Variants in ERC1 observed in about 807,000 individuals in gnomAD.
ERC1 encodes the protein RAB6 interacting protein 2.
ERC1 carries 56 observed loss-of-function variants against 132.0 expected under a neutral mutation model. The ratio of observed to expected loss-of-function variants is 0.42; its 90% confidence interval spans 0.34 to 0.53. The LOEUF is 0.53. ERC1 is among the 20% of genes least tolerant of loss of function. The pLI is 0.03. For missense variants in ERC1, 1,202 were observed against 1,349.9 expected (o/e 0.89, Z 1.72); for synonymous variants, 478 against 476.1 (o/e 1.00, Z -0.05).
Position 1,346,758 on chromosome 12 carries a change from A to C in ERC1, c.2781-25075A>C, listed in dbSNP as rs925686708. ...GAGATCGAGACCATCCTGGCTAACA[A>C]GGTGAAACCCCGTCTCTACTAAAAA... On this transcript the variant is annotated intron_variant, in intron 15 of 18. Transcript: ENST00000360905. 1.5e-4 allele frequency among the ~76,000 whole-genome samples: 22 copies of C among 151,394 alleles called. No individual in the cohort carries two copies. The East Asian group carries it at 2.5e-3, about 17-fold the overall frequency.
intron 8 of ERC1, among the ~76,000 whole-genome samples, chr12:1,179,963 T>C (rs919022475): frequency 2.6e-5 from 4 of 152,226 alleles, no homozygotes; most frequent in Non-Finnish European, 4.4e-5. Context: ...TGCATATAAG[T>C]ATGTATGAAT....
intron 13 of ERC1, among the ~76,000 whole-genome samples, chr12:1,251,179 T>C (rs980816563): frequency 6.6e-6 from 1 of 152,136 alleles, no homozygotes; most frequent in African/African-American, 2.4e-5. Flanking sequence ...GCCAGGGGGA[T>C]AATTATTTAA....
intron 1 of ERC1, chr12:998,515 G>A (rs1279489314): frequency 6.6e-6 from 1 of 152,152 alleles, no homozygotes; most frequent in Non-Finnish European, 1.5e-5. Context: ...TTCTGCGTAC[G>A]ACTACTTAAA....
intron 18 of ERC1, among the ~76,000 whole-genome samples, chr12:1,474,094 T>C (rs1213004034): frequency 5.3e-5 from 8 of 152,182 alleles, no homozygotes; most frequent in African/African-American, 1.9e-4. Context: ...CAGATTCAAG[T>C]TAGGGGCTTG....
At chr12:1,033,378 C>T (rs1968437900) in intron 2 of ERC1, among the ~76,000 whole-genome samples, 1 of 151,926 alleles carries the variant, frequency 6.6e-6, no homozygotes, top group Non-Finnish European at 1.5e-5. Context: ...ACCACATTGA[C>T]CAGACTGGTC....
intron 9 of ERC1, 45 bp downstream of exon 9, chr12:1,180,722 C>T: frequency 6.2e-7 from 1 of 1,610,310 alleles, no homozygotes; most frequent in East Asian, 2.2e-5. Flanking sequence ...TCTGCTTTCT[C>T]ATTAATCTAA....
chr12:1,491,739 G>A lies in ERC1; in HGVS notation c.*1509G>A, dbSNP rs1434745479. ...ATCTGCATGTACCTCGTGGAATTCA[G>A]CCAGCTTCATGTTGCAAATCAGAAA... On this transcript the variant is annotated 3_prime_UTR_variant, in exon 19 of 19. Coordinates refer to ENST00000360905, the MANE Select transcript of ERC1 (RefSeq NM_178040.4). 8.7e-6 allele frequency: 2 copies of A among 231,064 alleles called. No individual in the cohort carries two copies. The highest frequency in any genetic ancestry group is 1.7e-5 in the Non-Finnish European group (2 of 116,810). 14.3% of individuals were successfully genotyped at this position (231,064 alleles called of 1,614,324 possible).
chr12:1,007,535 TC>T (rs1409029063), intron 1 of ERC1, among the ~76,000 whole-genome samples: 38 of 77,898 alleles, frequency 4.9e-4, no homozygotes, highest in Middle Eastern at 6.8e-3. Flanking sequence ...TCTCTCTCTC[TC>T]TCTCTGTGTG....
chr12:1,402,623 A>G (rs932890416), intron 16 of ERC1, among the ~76,000 whole-genome samples: 3 of 151,904 alleles, frequency 2.0e-5, no homozygotes, highest in Admixed American at 1.3e-4. Flanking sequence ...CAACACACAC[A>G]CACACACACA....
intron 18 of ERC1, among the ~76,000 whole-genome samples, chr12:1,477,128 A>G (rs1047935773): frequency 7.6e-6 from 1 of 131,810 alleles, no homozygotes; most frequent in East Asian, 2.3e-4. Context: ...CCACCTTCAT[A>G]ATGGTTATGT....
At chr12:1,233,097 T>G (rs1327285076) in intron 12 of ERC1, among the ~76,000 whole-genome samples, 2 of 152,136 alleles carry the variant, frequency 1.3e-5, no homozygotes, top group Admixed American at 1.3e-4. Context: ...GAAAGGTTGA[T>G]AAAAGGTGAA....
At chr12:1,187,937 T>C (rs1420838244) in intron 11 of ERC1, among the ~76,000 whole-genome samples, 1 of 152,184 alleles carries the variant, frequency 6.6e-6, no homozygotes, top group Non-Finnish European at 1.5e-5. Flanking sequence ...GTCAAGGTCA[T>C]GGAGAACCTC....
At chr12:1,296,853 A>G (rs1274202181) in intron 15 of ERC1, among the ~76,000 whole-genome samples, 3 of 152,250 alleles carry the variant, frequency 2.0e-5, no homozygotes, top group African/African-American at 7.2e-5. Context: ...GACAATTTCA[A>G]ATGGGTTAAC....
intron 14 of ERC1, among the ~76,000 whole-genome samples, chr12:1,274,918 G>A (rs2078156205): frequency 6.6e-6 from 1 of 152,182 alleles, no homozygotes; most frequent in African/African-American, 2.4e-5. Flanking sequence ...AGACCCTAAT[G>A]ATGGAAATAG....
At chr12:1,389,279 T>C (rs2089723688) in intron 16 of ERC1, among the ~76,000 whole-genome samples, 1 of 152,226 alleles carries the variant, frequency 6.6e-6, no homozygotes, top group African/African-American at 2.4e-5. Context: ...TGGCTGGAGA[T>C]GCTCCAGGTA....
At chr12:1,161,567 T>C (rs1162109946) in intron 8 of ERC1, among the ~76,000 whole-genome samples, 1 of 152,230 alleles carries the variant, frequency 6.6e-6, no homozygotes, top group African/African-American at 2.4e-5. Context: ...AATGTAGTCA[T>C]CTTTATTGAC....
At chr12:1,332,593 G>A (rs2082950886) in intron 15 of ERC1, among the ~76,000 whole-genome samples, 1 of 152,164 alleles carries the variant, frequency 6.6e-6, no homozygotes, top group South Asian at 2.1e-4. Flanking sequence ...TGTATAACCG[G>A]CAGAACCTGT....
At chr12:1,173,758 A>T (rs1401938777) in intron 8 of ERC1, among the ~76,000 whole-genome samples, 1 of 151,308 alleles carries the variant, frequency 6.6e-6, no homozygotes, top group East Asian at 1.9e-4. Context: ...GACAAGAATA[A>T]TGTGGTAACA....
intron 18 of ERC1, chr12:1,480,881 T>G: frequency 1.4e-6 from 1 of 702,520 alleles, no homozygotes; most frequent in South Asian, 1.5e-5. Flanking sequence ...AACTGCCTTT[T>G]TTCATGTGAT....
Sources: allele counts gnomAD v4.1 joint callset (sites outside exome capture counted in the v4.1 genomes callset), GRCh38; gene constraint gnomAD v4.1.1; transcripts MANE v1.5; gene names NCBI Gene and HGNC (gene_info 2026-07-23, HGNC 2026-07-21).